Variants in NF2 observed in about 807,000 individuals in gnomAD.
The protein encoded by NF2 is merlin.
Under a neutral mutation model 83.7 loss-of-function variants are expected in NF2, and 8 were observed. That is an observed-to-expected ratio of 0.10 (90% CI 0.06 to 0.17). The LOEUF (loss-of-function observed/expected upper bound fraction) is 0.17. Ranked by LOEUF, NF2 falls within the 10% of genes least tolerant of loss-of-function variation. The probability of loss-of-function intolerance (pLI) is 1.00; values close to 1 mark genes in which losing one functional copy is unlikely to be tolerated. For synonymous variants in NF2, 266 were observed against 269.6 expected (o/e 0.99, Z 0.13); for missense variants, 533 against 744.4 (o/e 0.72, Z 3.31).
intron 15 of NF2, among the ~76,000 whole-genome samples, chr22:29,688,695 G>A (rs2067326046): frequency 6.6e-6 from 1 of 152,226 alleles, no homozygotes; most frequent in African/African-American, 2.4e-5. Context: ...CACAAAAAGG[G>A]CCCCTTGGGT....
At chr22:29,651,809 G>A (rs919942187) in intron 4 of NF2, among the ~76,000 whole-genome samples, 2 of 152,240 alleles carry the variant, frequency 1.3e-5, no homozygotes, top group East Asian at 3.9e-4. Flanking sequence ...GCATGCCTTT[G>A]GAACCTGAAT....
intron 15 of NF2, among the ~76,000 whole-genome samples, 176 bp downstream of exon 15, chr22:29,681,777 TATGAA>T (rs2067144449): frequency 6.6e-6 from 1 of 152,218 alleles, no homozygotes; most frequent in Non-Finnish European, 1.5e-5. Context: ...TGCCAATGAC[TATGAA>T]CCCATTGGCT....
intron 6 of NF2, 137 bp downstream of exon 6, chr22:29,655,813 G>C: frequency 1.4e-6 from 1 of 726,884 alleles, no homozygotes. Flanking sequence ...GGGGAGAGCT[G>C]GGGAGCTGGG....
chr22:29,605,460 C>T (rs2064765516), intron 1 of NF2, among the ~76,000 whole-genome samples: 1 of 152,054 alleles, frequency 6.6e-6, no homozygotes, highest in Non-Finnish European at 1.5e-5. Flanking sequence ...AGATGTGAGC[C>T]ACCCCGCCCA....
intron 1 of NF2, among the ~76,000 whole-genome samples, chr22:29,612,812 G>A (rs953638699): frequency 9.9e-5 from 15 of 152,024 alleles, no homozygotes; most frequent in African/African-American, 3.6e-4. Flanking sequence ...AAATTGACAA[G>A]TCTCCAGGCG....
At chr22:29,677,717 C>G (rs1383370946) in intron 13 of NF2, among the ~76,000 whole-genome samples, 1 of 152,190 alleles carries the variant, frequency 6.6e-6, no homozygotes, top group African/African-American at 2.4e-5. Context: ...CCTGGCACTG[C>G]CTTGGATCCC....
At chr22:29,609,020 A>T in intron 1 of NF2, 1 of 694,856 alleles carries the variant, frequency 1.4e-6, no homozygotes, top group Admixed American at 2.0e-5. Context: ...GTAATGGATG[A>T]ACATGCATGT....
chr22:29,646,246 T>TA, intron 4 of NF2, among the ~76,000 whole-genome samples: 1 of 152,326 alleles, frequency 6.6e-6, no homozygotes, highest in Non-Finnish European at 1.5e-5. Flanking sequence ...ATGTTAAGCC[T>TA]ATTTTTATGA....
chr22:29,680,332 G>A (rs1191338894), intron 14 of NF2, among the ~76,000 whole-genome samples: 1 of 152,254 alleles, frequency 6.6e-6, no homozygotes, highest in Middle Eastern at 3.4e-3. Context: ...GGCTGGTCTC[G>A]AACTCCTGAC....
intron 1 of NF2, among the ~76,000 whole-genome samples, chr22:29,623,660 C>T (rs916451418): frequency 2.0e-5 from 3 of 152,130 alleles, no homozygotes; most frequent in South Asian, 4.1e-4. Context: ...GTCAGTCAGG[C>T]AGAAGGGAAG....
intron 1 of NF2, among the ~76,000 whole-genome samples, chr22:29,619,284 A>T (rs1440543724): frequency 6.6e-6 from 1 of 151,920 alleles, no homozygotes; most frequent in African/African-American, 2.4e-5. Context: ...ACCTCAGGTG[A>T]TCCACCTGCC....
At chr22:29,649,528 C>A (rs1458248386) in intron 4 of NF2, among the ~76,000 whole-genome samples, 1 of 152,030 alleles carries the variant, frequency 6.6e-6, no homozygotes, top group African/African-American at 2.4e-5. Flanking sequence ...ATAGCGAGAC[C>A]CCTTTCTCCA....
intron 2 of NF2, among the ~76,000 whole-genome samples, chr22:29,637,732 C>T (rs1049185525): frequency 6.6e-6 from 1 of 150,874 alleles, no homozygotes; most frequent in African/African-American, 2.4e-5. Flanking sequence ...CTTAAGTGTT[C>T]GAATTGTGTT....
intron 13 of NF2, 110 bp from the exon 14 acceptor site, chr22:29,678,086 C>G: frequency 1.4e-6 from 2 of 1,445,356 alleles, no homozygotes; most frequent in Non-Finnish European, 1.9e-6. Context: ...AGGTGGGACC[C>G]GAGTTGTGCC....
intron 1 of NF2, among the ~76,000 whole-genome samples, chr22:29,610,637 C>A (rs2064927255): frequency 1.3e-5 from 2 of 149,088 alleles, no homozygotes; most frequent in African/African-American, 4.9e-5. Flanking sequence ...AAGTGAGACT[C>A]CATCTCAAAA....
intron 1 of NF2, among the ~76,000 whole-genome samples, chr22:29,620,670 G>A (rs1027248748): frequency 6.6e-6 from 1 of 151,392 alleles, no homozygotes; most frequent in Non-Finnish European, 1.5e-5. Flanking sequence ...GGTGGAGGTT[G>A]CCTGAGATTG....
chr22:29,619,386 T>TTTTGTTTGTTTG (rs199935839), intron 1 of NF2, among the ~76,000 whole-genome samples: 3 of 148,606 alleles, frequency 2.0e-5, no homozygotes, highest in African/African-American at 7.5e-5. Context: ...CATGGGTTTT[T>TTTTGTTTGTTTG]TTTGTTTGTT....
intron 1 of NF2, among the ~76,000 whole-genome samples, chr22:29,605,319 C>T (rs2064760761): frequency 1.3e-5 from 2 of 152,170 alleles, no homozygotes; most frequent in African/African-American, 4.8e-5. Flanking sequence ...CGTGCGCCAC[C>T]TCGTCTGGCT....
chr22:29,660,402 A>G (rs1307159771), intron 7 of NF2, among the ~76,000 whole-genome samples: 3 of 152,352 alleles, frequency 2.0e-5, no homozygotes, highest in Admixed American at 1.3e-4. Context: ...ATACCCATAT[A>G]TATGCACAAT....
Sources: gnomAD v4.1 joint callset for allele counts (sites outside exome capture counted in the v4.1 genomes callset) on GRCh38, gnomAD v4.1.1 for gene constraint, MANE v1.5 for transcripts, NCBI Gene and HGNC (gene_info 2026-07-23, HGNC 2026-07-21) for gene names.